The following DNAH17 variants were observed in gnomAD, a reference collection of about 807,000 sequenced individuals.
DNAH17 encodes the protein dynein axonemal heavy chain 17, also known as axonemal beta dynein heavy chain 17.
In DNAH17, 376 loss-of-function variants were observed where a neutral mutation model predicts 485.6. The ratio of observed to expected loss-of-function variants is 0.77; its 90% CI spans 0.71 to 0.84. The LOEUF is 0.84. DNAH17 is among the 40% of genes least tolerant of loss of function. The pLI, the probability that DNAH17 is intolerant of heterozygous loss-of-function variation, is 0.00. For missense variants in DNAH17, 6,370 were observed against 5,839.3 expected, an observed-to-expected ratio of 1.09 and a Z score of -2.96; for synonymous variants, 3,031 against 2,405.9, an observed-to-expected ratio of 1.26 and a Z score of -7.60.
chr17:78,426,346 C>G, intron 79 of DNAH17, 111 bp downstream of exon 79: 1 of 1,328,132 alleles, frequency 7.5e-7, no homozygotes, highest in Non-Finnish European at 9.9e-7. Flanking sequence ...AGGACAGGCC[C>G]CCAGGAGCCT....
chr17:78,509,573 A>C (rs1039324893), intron 27 of DNAH17, among the ~76,000 whole-genome samples: 4 of 152,210 alleles, frequency 2.6e-5, no homozygotes, highest in Non-Finnish European at 5.9e-5. Context: ...GTGACAATTC[A>C]AACTCACAAA....
At chr17:78,488,355 T>C (rs1291979626) in intron 44 of DNAH17, among the ~76,000 whole-genome samples, 1 of 152,214 alleles carries the variant, frequency 6.6e-6, no homozygotes, top group African/African-American at 2.4e-5. Context: ...CTGTGTCTGC[T>C]TCTCGCCCAT....
intron 54 of DNAH17, among the ~76,000 whole-genome samples, chr17:78,470,223 A>G (rs891983223): frequency 1.3e-5 from 2 of 151,070 alleles, no homozygotes; most frequent in Non-Finnish European, 3.0e-5. Context: ...ATGTGCCACC[A>G]TGCTCAGCTA....
intron 31 of DNAH17, among the ~76,000 whole-genome samples, chr17:78,504,311 C>T (rs976971105): frequency 1.3e-5 from 2 of 152,122 alleles, no homozygotes; most frequent in Non-Finnish European, 2.9e-5. Context: ...ATGATCCGCC[C>T]ACCTCGACCT....
chr17:78,424,526 A>G (rs531737032), intron 80 of DNAH17: 8 of 217,258 alleles, frequency 3.7e-5, no homozygotes, highest in Admixed American at 1.0e-4. Flanking sequence ...CTATGTGTAC[A>G]TACACAATAT....
chr17:78,438,455 A>AG (rs2086938876), intron 73 of DNAH17, among the ~76,000 whole-genome samples: 1 of 82,550 alleles, frequency 1.2e-5, no homozygotes, highest in African/African-American at 4.8e-5. Context: ...GGGAGGAGGG[A>AG]GGAGGAGGAG....
At chr17:78,497,951 T>A (rs1432396813) in intron 37 of DNAH17, among the ~76,000 whole-genome samples, 4 of 152,062 alleles carry the variant, frequency 2.6e-5, no homozygotes, top group African/African-American at 9.7e-5. Context: ...AAGACCAACC[T>A]GACCAACACG....
rs142546272 is a variant in DNAH17, at chr17:78,572,039, G to A, written c.540-257C>T. On this transcript the variant is annotated intron_variant, in intron 3 of 80. Coordinates refer to ENST00000389840, the MANE Select transcript of DNAH17 (RefSeq NM_173628.4). ...TGGAGGCGCTCACCTCCAAGGAAGC[G>A]GGAGAGAATTAAGTAAACCCTATTT... 3.2e-4 allele frequency among the ~76,000 whole-genome samples: 48 copies of A among 152,296 alleles called. No homozygotes were observed. The East Asian group carries it at 7.5e-3, about 24-fold the overall frequency.
intron 66 of DNAH17, 75 bp from the exon 67 acceptor site, chr17:78,450,921 C>A: frequency 1.3e-6 from 2 of 1,565,206 alleles, no homozygotes; most frequent in Non-Finnish European, 1.7e-6. Context: ...CTCAGGTGGC[C>A]ATGTAGCTGA....
chr17:78,426,580 G>C lies in DNAH17; in HGVS notation c.12792C>G (p.Thr4264=). Residue 4264 remains threonine (T), a synonymous_variant, in exon 79 of 81, where the codon ACC becomes ACG. Transcript: ENST00000389840. ...LGLKGELTIT[T]DVEDLSTALF... is the part of the protein sequence containing the mutation. ...GAGCCGTGGACAGATCTTCCACGTC[G>C]GTCGTGATGGTCAGTTCTCCCTAGG... 6.2e-7 allele frequency: 1 copy of C among 1,610,314 alleles called. No individual in the cohort carries two copies. Among genetic ancestry groups the C allele is most frequent in the Non-Finnish European group, 8.5e-7 (1 of 1,177,826 alleles).
intron 25 of DNAH17, among the ~76,000 whole-genome samples, chr17:78,521,973 G>A (rs1404664676): frequency 2.7e-4 from 41 of 152,260 alleles, no homozygotes. Flanking sequence ...GCGACAGAGT[G>A]AGACTCCGCC....
chr17:78,571,837 A>G (rs2092363267), intron 3 of DNAH17, 55 bp from the exon 4 acceptor site: 2 of 1,491,064 alleles, frequency 1.3e-6, no homozygotes, highest in Admixed American at 2.1e-5. Flanking sequence ...CGTGGGTCCC[A>G]CCAAGCTCTC....
At chr17:78,493,210 G>C (rs975943932) in intron 41 of DNAH17, 2 of 165,520 alleles carry the variant, frequency 1.2e-5, no homozygotes, top group East Asian at 1.8e-4. Context: ...TTGCTCTGGA[G>C]ACACACAGGT....
intron 56 of DNAH17, among the ~76,000 whole-genome samples, chr17:78,464,041 T>A (rs2088285716): frequency 6.6e-6 from 1 of 152,180 alleles, no homozygotes; most frequent in South Asian, 2.1e-4. Flanking sequence ...CTTTTTCCCA[T>A]CTTTAAAAAC....
intron 16 of DNAH17, among the ~76,000 whole-genome samples, chr17:78,548,449 C>A (rs1191165901): frequency 6.6e-6 from 1 of 152,130 alleles, no homozygotes; most frequent in Non-Finnish European, 1.5e-5. Context: ...CGTGATCCAC[C>A]CGCCTCGGCC....
chr17:78,437,943 A>G (rs1357475166), intron 73 of DNAH17, 75 bp from the exon 74 acceptor site: 7 of 1,172,512 alleles, frequency 6.0e-6, no homozygotes, highest in Admixed American at 4.1e-5. Context: ...GCACGTGGCT[A>G]TGTTCCCTGG....
intron 37 of DNAH17, 103 bp from the exon 38 acceptor site, chr17:78,496,135 C>G: frequency 7.7e-7 from 1 of 1,302,876 alleles, no homozygotes; most frequent in Admixed American, 2.6e-5. Context: ...GAATTTGCGC[C>G]TGCAAATTCA....
intron 16 of DNAH17, 70 bp downstream of exon 16, chr17:78,551,465 T>C (rs2143561435): frequency 6.9e-7 from 1 of 1,446,352 alleles, no homozygotes; most frequent in Non-Finnish European, 9.7e-7. Flanking sequence ...GGCCTCTACG[T>C]AGCCTGGTTT....
chr17:78,512,995 C>T (rs1015596307), intron 26 of DNAH17, among the ~76,000 whole-genome samples: 7 of 146,644 alleles, frequency 4.8e-5, no homozygotes, highest in African/African-American at 1.8e-4. Flanking sequence ...AGCCCCTTAT[C>T]AGCCCAGAGG....
Sources: gnomAD v4.1 joint callset for allele counts (sites outside exome capture counted in the v4.1 genomes callset) on GRCh38, gnomAD v4.1.1 for gene constraint, MANE v1.5 for transcripts, NCBI Gene and HGNC (gene_info 2026-07-23, HGNC 2026-07-21) for gene names.